REV3L: variants seen among roughly 807,000 people sequenced by gnomAD.
REV3L encodes REV3 like, DNA directed polymerase zeta catalytic subunit.
In REV3L, 69 loss-of-function variants were observed where a neutral mutation model predicts 299.4. The ratio of observed to expected loss-of-function variants is 0.23; its 90% CI spans 0.19 to 0.28. The LOEUF (loss-of-function observed/expected upper bound fraction) is 0.28, where lower values mean the gene tolerates loss of function less well. REV3L is among the 10% of genes least tolerant of loss of function. The pLI is 1.00. For missense variants in REV3L, 3,128 were observed against 3,693.8 expected, an observed-to-expected ratio of 0.85 and a Z score of 3.97; for synonymous variants, 1,238 against 1,271.4, an observed-to-expected ratio of 0.97 and a Z score of 0.56.
chr6:111,402,423 C>A (rs1783183925), intron 4 of REV3L, among the ~76,000 whole-genome samples: 1 of 152,182 alleles, frequency 6.6e-6, no homozygotes, highest in Non-Finnish European at 1.5e-5. Flanking sequence ...CATGGCCTTC[C>A]CAAAGAAGGT....
chr6:111,428,276 C>T (rs1264199612), intron 1 of REV3L, among the ~76,000 whole-genome samples: 1 of 151,838 alleles, frequency 6.6e-6, no homozygotes, highest in Admixed American at 6.6e-5. Context: ...ATTCAAAATA[C>T]CAGGTATAAG....
At chr6:111,333,055 A>G in intron 23 of REV3L, 68 bp downstream of exon 23, 1 of 1,553,802 alleles carries the variant, frequency 6.4e-7, no homozygotes, top group Non-Finnish European at 8.8e-7. Flanking sequence ...AGACACTCAG[A>G]AAGTGTCTAA....
At chr6:111,479,065 G>T (rs1431265630) in intron 1 of REV3L, among the ~76,000 whole-genome samples, 1 of 152,180 alleles carries the variant, frequency 6.6e-6, no homozygotes, top group Non-Finnish European at 1.5e-5. Context: ...AAGCAACTAA[G>T]CAAAAGTCGA....
chr6:111,474,988 T>TATACAC (rs151075609), intron 1 of REV3L, among the ~76,000 whole-genome samples: 2,474 of 145,888 alleles, frequency 0.017, 65 homozygotes, highest in African/African-American at 0.053. Flanking sequence ...TGCCTATATA[T>TATACAC]ACACACACAC....
intron 1 of REV3L, among the ~76,000 whole-genome samples, chr6:111,466,164 T>A (rs1316257014): frequency 6.6e-6 from 1 of 152,228 alleles, no homozygotes; most frequent in East Asian, 1.9e-4. Flanking sequence ...ATTTTTCTAG[T>A]AATTCATTTT....
In REV3L at chr6:111,482,877, T is replaced by C; in HGVS notation, c.12A>G (p.Val4=). The change falls in exon 1 of 32, where the codon GTA becomes GTG. Residue 4 remains valine (V), a synonymous_variant. Transcript: ENST00000368802. ...TGTAGTAGTCTGCAGTCACTATCCTTACTGAAAACATGTTCGCCGCCGCCG... is the reference window on the plus strand; with the variant it reads ...TGTAGTAGTCTGCAGTCACTATCCTCACTGAAAACATGTTCGCCGCCGCCG... MFS[V]RIVTADYYMA... 6.6e-7 allele frequency: 1 copy of C among 1,516,824 alleles called. No homozygotes were observed. The highest frequency in any genetic ancestry group is 8.8e-7 in the Non-Finnish European group (1 of 1,141,714). 94.0% of individuals were successfully genotyped at this position (1,516,824 alleles called of 1,614,324 possible).
chr6:111,456,505 G>C (rs1330411609), intron 1 of REV3L, among the ~76,000 whole-genome samples: 1 of 152,106 alleles, frequency 6.6e-6, no homozygotes, highest in Non-Finnish European at 1.5e-5. Flanking sequence ...TATCAACTTG[G>C]AGATGTCCCT....
chr6:111,399,486 T>G (rs1474422708), intron 4 of REV3L, among the ~76,000 whole-genome samples: 1 of 152,218 alleles, frequency 6.6e-6, no homozygotes, highest in Non-Finnish European at 1.5e-5. Context: ...ACTAATGTCC[T>G]CTTTCTGTTC....
chr6:111,305,301 A>G (rs549406741), intron 31 of REV3L, among the ~76,000 whole-genome samples: 1 of 152,254 alleles, frequency 6.6e-6, no homozygotes, highest in South Asian at 2.1e-4. Flanking sequence ...TTTTTATAAG[A>G]AATAAGATGG....
Position 111,439,886 on chromosome 6 carries a change from G to A in REV3L, c.140-23414C>T, listed in dbSNP as rs560861592. Among the ~76,000 whole-genome samples, 15 of 152,250 alleles carry A rather than the reference G, an allele frequency of 9.9e-5. No homozygotes were observed. In the East Asian group the frequency reaches 1.2e-3, roughly 12 times the overall value. ...AGACAATGCCTGACCGCCAACCAGCGCTTCAAAAGTTGAAGAAATTGGGCT... is the reference window on the plus strand; with the variant it reads ...AGACAATGCCTGACCGCCAACCAGCACTTCAAAAGTTGAAGAAATTGGGCT... On this transcript the variant is annotated intron_variant, in intron 1 of 31. Transcript: ENST00000368802.
At chr6:111,435,708 C>A (rs938955079) in intron 1 of REV3L, among the ~76,000 whole-genome samples, 10 of 152,130 alleles carry the variant, frequency 6.6e-5, no homozygotes, top group African/African-American at 1.9e-4. Context: ...AACTATGAAA[C>A]TACTAGAAGA....
intron 30 of REV3L, chr6:111,309,098 C>G (rs960573560): frequency 3.3e-5 from 5 of 152,414 alleles, no homozygotes; most frequent in African/African-American, 1.2e-4. Context: ...CAGCTGAAGC[C>G]CCAGTGGGTG....
rs748440705 is a variant in REV3L, at chr6:111,392,932, T to C, written c.606A>G (p.Leu202=). ...LHATGSCKNH[L]SGNSLADTLF... is the part of the protein sequence containing the mutation. The stretch of plus-strand genomic sequence containing the variant: ...AAGTATCAGCAAGAGAATTTCCTGA[T>C]AAATGATTCTTGCAGGATCCAGTTG... The change falls in exon 5 of 32, where the codon TTA becomes TTG. Residue 202 remains leucine (L), a synonymous_variant. Transcript: ENST00000368802. 2.5e-6 allele frequency: 4 copies of C among 1,612,650 alleles called. No homozygotes were observed. The East Asian group carries it at 6.7e-5, about 27-fold the overall frequency.
At chr6:111,434,091 A>G (rs1297607427) in intron 1 of REV3L, among the ~76,000 whole-genome samples, 1 of 152,224 alleles carries the variant, frequency 6.6e-6, no homozygotes, top group Non-Finnish European at 1.5e-5. Flanking sequence ...ACTGTACTCA[A>G]TGTGGAAATA....
intron 4 of REV3L, among the ~76,000 whole-genome samples, chr6:111,396,356 AT>A (rs879300983): frequency 2.7e-3 from 370 of 136,918 alleles, no homozygotes; most frequent in Admixed American, 5.1e-3. Context: ...ATCATGGTGT[AT>A]TTTTTTTTTT....
At chr6:111,426,626 GA>G (rs1316382627) in intron 1 of REV3L, among the ~76,000 whole-genome samples, 6 of 152,194 alleles carry the variant, frequency 3.9e-5, no homozygotes, top group African/African-American at 1.4e-4. Flanking sequence ...GTAGTTTGAT[GA>G]TTAATATGAT....
intron 31 of REV3L, 95 bp downstream of exon 31, chr6:111,307,266 C>T (rs757813369): frequency 9.5e-7 from 1 of 1,057,730 alleles, no homozygotes; most frequent in Non-Finnish European, 1.5e-6. Context: ...ACTTTTCACA[C>T]CAGTTTTGTA....
intron 22 of REV3L, among the ~76,000 whole-genome samples, chr6:111,334,603 GA>G (rs1296016225): frequency 6.6e-6 from 1 of 151,896 alleles, no homozygotes; most frequent in African/African-American, 2.4e-5. Flanking sequence ...TGGGGTATTA[GA>G]AAAAAAATTA....
Position 111,454,414 on chromosome 6 carries a change from C to A in REV3L, c.139+28336G>T, listed in dbSNP as rs572322119. On this transcript the variant is annotated intron_variant, in intron 1 of 31. Coordinates refer to ENST00000368802, the MANE Select transcript of REV3L (RefSeq NM_001372078.1). ...TGTGGTAAAATATACGTAAAATTTA[C>A]CATCTTAACCCTTTTTGGGTATACA... is the stretch of plus-strand genomic sequence containing the variant. 1.9e-3 allele frequency among the ~76,000 whole-genome samples: 293 copies of A among 151,880 alleles called. 1 individual carries two copies. Among genetic ancestry groups the A allele is most frequent in the African/African-American group, 6.7e-3 (277 of 41,382 alleles).
Sources: gnomAD v4.1 joint callset for allele counts (sites outside exome capture counted in the v4.1 genomes callset) on GRCh38, gnomAD v4.1.1 for gene constraint, MANE v1.5 for transcripts, NCBI Gene and HGNC (gene_info 2026-07-23, HGNC 2026-07-21) for gene names.